TAF3: variants seen among roughly 807,000 people sequenced by gnomAD.
TAF3 encodes transcription initiation factor TFIID subunit 3.
A neutral mutation model predicts 80.6 loss-of-function variants in TAF3; 7 were observed. The ratio of observed to expected loss-of-function variants is 0.09; its 90% CI spans 0.05 to 0.16. The LOEUF (loss-of-function observed/expected upper bound fraction) is 0.16, where lower values mean the gene tolerates loss of function less well. Ranked by LOEUF, TAF3 falls within the 10% of genes least tolerant of loss-of-function variation. The pLI, the probability that TAF3 is intolerant of heterozygous loss-of-function variation, is 1.00. For missense variants in TAF3, 921 were observed against 1,140.2 expected, an observed-to-expected ratio of 0.81 and a Z score of 2.77; for synonymous variants, 444 against 446.1, an observed-to-expected ratio of 1.00 and a Z score of 0.06.
chr10:7,841,847 G>T (rs778964499), intron 2 of TAF3, among the ~76,000 whole-genome samples: 1 of 152,190 alleles, frequency 6.6e-6, no homozygotes, highest in African/African-American at 2.4e-5. Flanking sequence ...CTTATAGTCT[G>T]CAGGCAATCC....
At chr10:7,891,188 ATTTG>A (rs1364612052) in intron 2 of TAF3, among the ~76,000 whole-genome samples, 6 of 152,158 alleles carry the variant, frequency 3.9e-5, no homozygotes, top group Non-Finnish European at 7.4e-5. Context: ...TATAATTATT[ATTTG>A]TTAGCTGATT....
intron 4 of TAF3, among the ~76,000 whole-genome samples, chr10:7,998,245 A>ATATATATATATATATATG (rs1831907982): frequency 1.3e-5 from 1 of 79,994 alleles, no homozygotes; most frequent in Non-Finnish European, 2.5e-5. Flanking sequence ...TGAGAACTAT[A>ATATATATATATATATATG]TATATATATA....
chr10:7,865,949 C>G (rs1277263830), intron 2 of TAF3, among the ~76,000 whole-genome samples: 5 of 152,184 alleles, frequency 3.3e-5, no homozygotes, highest in Non-Finnish European at 5.9e-5. Context: ...TCGTGTGTAA[C>G]AGACTGGAGC....
At chr10:7,884,753 A>G (rs892111348) in intron 2 of TAF3, among the ~76,000 whole-genome samples, 5 of 152,138 alleles carry the variant, frequency 3.3e-5, no homozygotes, top group African/African-American at 1.2e-4. Context: ...TGCTATTACA[A>G]TGTCATTGCT....
intron 2 of TAF3, among the ~76,000 whole-genome samples, chr10:7,857,125 A>G (rs1210728533): frequency 6.6e-6 from 1 of 152,236 alleles, no homozygotes; most frequent in African/African-American, 2.4e-5. Context: ...AATGAGGAAG[A>G]CAAAAGTGAA....
chr10:8,011,689 C>T (rs534856969), intron 5 of TAF3, among the ~76,000 whole-genome samples: 103 of 152,318 alleles, frequency 6.8e-4, no homozygotes, highest in African/African-American at 2.3e-3. Context: ...CAACATCACC[C>T]CCAAATGGGT....
In TAF3 at chr10:7,842,179, T is replaced by TG. The variant is rs1564345368; in HGVS notation, c.409+17619_409+17620insG. On this transcript the variant is annotated intron_variant, in intron 2 of 6. Transcript: ENST00000344293. ...TTTTTTTTTTGTTTTTTTTTTTGTT[T>TG]TTTTTTTTTTTTGAGACAGAGTCTT... Among the ~76,000 whole-genome samples, 16 of 122,246 alleles carry TG rather than the reference T, an allele frequency of 1.3e-4. 1 individual carries two copies. The highest frequency in any genetic ancestry group is 1.9e-4 in the Non-Finnish European group (11 of 57,024). 80.2% of individuals were successfully genotyped at this position (122,246 alleles called of 152,430 possible). A position where few individuals can be genotyped will look rare whatever the true frequency, so the allele number is the denominator to read the frequency against.
intron 2 of TAF3, among the ~76,000 whole-genome samples, chr10:7,947,054 G>A (rs1030243586): frequency 3.3e-5 from 5 of 152,106 alleles, no homozygotes; most frequent in Admixed American, 1.3e-4. Context: ...GAGCCACCTC[G>A]CCTGGCCACA....
Position 7,821,343 on chromosome 10 carries a change from C to T in TAF3, c.166+2468C>T, listed in dbSNP as rs79155995. Among the ~76,000 whole-genome samples the T allele has an allele frequency of 8.0e-3, 1,210 of 152,136 alleles. 8 individuals are homozygous for T. Among genetic ancestry groups the T allele is most frequent in the South Asian group, 0.022 (104 of 4,810 alleles). On this transcript the variant is annotated intron_variant, in intron 1 of 6. Coordinates refer to ENST00000344293, the MANE Select transcript of TAF3 (RefSeq NM_031923.4). ...GTTACCACTATGGAATCTTGTATTC[C>T]ACCCCTTTAAATCCTTTCTGTTGTT...
chr10:7,915,245 G>A (rs1564362624), intron 2 of TAF3, among the ~76,000 whole-genome samples: 3 of 151,092 alleles, frequency 2.0e-5, no homozygotes, highest in Admixed American at 1.3e-4. Context: ...GCGCCTGGCC[G>A]CTCCCCAGCC....
intron 2 of TAF3, among the ~76,000 whole-genome samples, chr10:7,961,715 G>C (rs1473308432): frequency 6.6e-6 from 1 of 152,104 alleles, no homozygotes; most frequent in Non-Finnish European, 1.5e-5. Context: ...CTGCCGAGTA[G>C]GCATTGCAGA....
intron 4 of TAF3, among the ~76,000 whole-genome samples, chr10:7,983,162 T>C (rs74123828): frequency 0.031 from 4,774 of 152,246 alleles, 249 homozygotes; most frequent in African/African-American, 0.11. Flanking sequence ...GCTGTTGTGA[T>C]TCTTGGTGCT....
chr10:7,930,678 T>G (rs969810541), intron 2 of TAF3, among the ~76,000 whole-genome samples: 1 of 152,178 alleles, frequency 6.6e-6, no homozygotes, highest in Non-Finnish European at 1.5e-5. Flanking sequence ...TTGATCAGAG[T>G]AGGTCATGTA....
chr10:7,869,311 C>T (rs1327192643), intron 2 of TAF3, among the ~76,000 whole-genome samples: 4 of 151,540 alleles, frequency 2.6e-5, no homozygotes, highest in East Asian at 3.9e-4. Flanking sequence ...AGTGTAGAGA[C>T]GCACACACAC....
At chr10:7,931,664 A>G (rs1435261215) in intron 2 of TAF3, among the ~76,000 whole-genome samples, 1 of 152,220 alleles carries the variant, frequency 6.6e-6, no homozygotes, top group Non-Finnish European at 1.5e-5. Flanking sequence ...AGCCCATGTT[A>G]TGTTTTCAAA....
chr10:7,987,771 T>G (rs970567646), intron 4 of TAF3, among the ~76,000 whole-genome samples: 2 of 152,230 alleles, frequency 1.3e-5, no homozygotes, highest in Admixed American at 6.5e-5. Flanking sequence ...AGATCCATTC[T>G]TCTCCCTCGT....
intron 2 of TAF3, among the ~76,000 whole-genome samples, chr10:7,836,276 C>T (rs1441602019): frequency 7.2e-6 from 1 of 138,626 alleles, no homozygotes; most frequent in Non-Finnish European, 1.5e-5. Context: ...GCCATTTCCA[C>T]GTTTTCTTTT....
At chr10:7,898,580 T>A (rs985552438) in intron 2 of TAF3, among the ~76,000 whole-genome samples, 1 of 150,662 alleles carries the variant, frequency 6.6e-6, no homozygotes, top group Non-Finnish European at 1.5e-5. Context: ...ATCGAACTCT[T>A]CCATCTTTCT....
At chr10:7,865,044 G>A (rs1837196215) in intron 2 of TAF3, among the ~76,000 whole-genome samples, 1 of 152,160 alleles carries the variant, frequency 6.6e-6, no homozygotes, top group Admixed American at 6.5e-5. Context: ...AATGCCGGTG[G>A]ATTTGTGGAT....
Sources: allele counts gnomAD v4.1 joint callset (sites outside exome capture counted in the v4.1 genomes callset), GRCh38; gene constraint gnomAD v4.1.1; transcripts MANE v1.5; gene names NCBI Gene and HGNC (gene_info 2026-07-23, HGNC 2026-07-21).